Variants in EVC2 observed in about 807,000 individuals in gnomAD.
EVC2 encodes the protein limbin.
EVC2 carries 148 observed loss-of-function variants against 149.3 expected under a neutral mutation model. The observed-to-expected ratio is 0.99, with a 90% CI of 0.87 to 1.14. EVC2 has a LOEUF of 1.14. EVC2 is among the 50% of genes most tolerant of loss of function. The pLI is 0.00. For missense variants in EVC2, 1,854 were observed against 1,627.3 expected (o/e 1.14, Z -2.40); for synonymous variants, 776 against 649.9 (o/e 1.19, Z -2.95).
chr4:5,658,970 C>T (rs1207033044), intron 9 of EVC2, among the ~76,000 whole-genome samples: 2 of 152,132 alleles, frequency 1.3e-5, no homozygotes, highest in African/African-American at 4.8e-5. Context: ...AGACTGAGTC[C>T]ACCTCCATTA....
At chr4:5,697,936 AGAGACGG>A (rs1721587880) in intron 1 of EVC2, among the ~76,000 whole-genome samples, 2 of 152,018 alleles carry the variant, frequency 1.3e-5, no homozygotes, top group African/African-American at 4.8e-5. Context: ...TATTTTTAGT[AGAGACGG>A]GGTTTCACCA....
chr4:5,566,517 A>C (rs1345872466), intron 20 of EVC2, among the ~76,000 whole-genome samples: 1 of 152,182 alleles, frequency 6.6e-6, no homozygotes, highest in Non-Finnish European at 1.5e-5. Flanking sequence ...GCTTGGATTA[A>C]TTATTCAGTT....
chr4:5,571,463 A>G lies in EVC2; in HGVS notation c.3361-2823T>C, dbSNP rs551180885. On this transcript the variant is annotated intron_variant, in intron 19 of 21. Transcript: ENST00000344408. The stretch of plus-strand genomic sequence containing the variant: ...TCCCCAATTAAAATATAAAAAAAAA[A>G]TTAAAGAAATGGAACATAAAGCAAC... Among the ~76,000 whole-genome samples, 28 of 152,076 alleles carry G rather than the reference A, an allele frequency of 1.8e-4. No individual in the cohort carries two copies. In the South Asian group the frequency reaches 5.8e-3, roughly 32 times the overall value.
At chr4:5,571,790 T>TG (rs1179171173) in intron 19 of EVC2, among the ~76,000 whole-genome samples, 1 of 152,146 alleles carries the variant, frequency 6.6e-6, no homozygotes, top group African/African-American at 2.4e-5. Flanking sequence ...GTTGTTTCTG[T>TG]GGGGGTGTTT....
rs1032308453 is a variant in EVC2, at chr4:5,688,815, G to A, written c.706+342C>T. On this transcript the variant is annotated intron_variant, in intron 5 of 21. Transcript: ENST00000344408. ...GTGATGGTTAATTTTGGTGATCTGA[G>A]TGACAGGTATACTGGGGTCCACTGT... Among the ~76,000 whole-genome samples, 120 of 152,186 alleles carry A rather than the reference G, an allele frequency of 7.9e-4. 1 individual carries two copies. The highest frequency in any genetic ancestry group is 2.7e-3 in the African/African-American group (113 of 41,444).
At chr4:5,707,725 T>A (rs1419278917) in intron 1 of EVC2, among the ~76,000 whole-genome samples, 1 of 151,830 alleles carries the variant, frequency 6.6e-6, no homozygotes, top group Non-Finnish European at 1.5e-5. Context: ...GGAGGTCAAG[T>A]CTAGGGCTAC....
At chr4:5,648,426 G>A (rs1212604599) in intron 9 of EVC2, among the ~76,000 whole-genome samples, 1 of 152,156 alleles carries the variant, frequency 6.6e-6, no homozygotes, top group Non-Finnish European at 1.5e-5. Context: ...ATGGCTGCTT[G>A]TGTTGGGAAA....
chr4:5,679,944 AT>A lies in EVC2; in HGVS notation c.870+1315del, dbSNP rs1307035288. Among the ~76,000 whole-genome samples, 1 of 152,160 alleles carries A rather than the reference AT, an allele frequency of 6.6e-6. No homozygotes were observed. On this transcript the variant is annotated intron_variant, in intron 7 of 21. Coordinates refer to ENST00000344408, the MANE Select transcript of EVC2 (RefSeq NM_147127.5). This position sits in a 1 kb window ranked among gnomAD's most constrained non-coding sequence, Gnocchi z 5.1. ...TATCCTTACTCTGTAAGCTTTCTAT[AT>A]TTTTAAGGTATTTTTTTAAAACACT...
chr4:5,583,283 G>A (rs1711965769), intron 17 of EVC2, among the ~76,000 whole-genome samples: 1 of 152,160 alleles, frequency 6.6e-6, no homozygotes, highest in African/African-American at 2.4e-5. Context: ...GTACATCTAT[G>A]TTCACATGCA....
downstream of EVC2, among the ~76,000 whole-genome samples, chr4:5,539,002 T>C (rs1721466479): frequency 6.6e-6 from 1 of 152,064 alleles, no homozygotes; most frequent in Non-Finnish European, 1.5e-5. Context: ...AAAGGAAAAT[T>C]TAAAACTGTC....
chr4:5,625,620 A>G lies in EVC2; in HGVS notation c.2046+129T>C, dbSNP rs959191025. 4.8e-6 allele frequency: 6 copies of G among 1,238,144 alleles called. No homozygotes were observed. In the Admixed American group the frequency reaches 8.0e-5, roughly 17 times the overall value. 76.7% of individuals were successfully genotyped at this position (1,238,144 alleles called of 1,614,324 possible). A position where few individuals can be genotyped will look rare whatever the true frequency, so the allele number is the denominator to read the frequency against. ...GCTACCAATCAACAGTAGATGGCAC[A>G]TCATGGTGCCTGCCCAGCTGCCCTT... On this transcript the variant is annotated intron_variant, in intron 13 of 21. Coordinates refer to ENST00000344408, the MANE Select transcript of EVC2 (RefSeq NM_147127.5). This position sits in a 1 kb window ranked among gnomAD's most constrained non-coding sequence, Gnocchi z 4.0.
intron 2 of EVC2, among the ~76,000 whole-genome samples, chr4:5,695,279 C>T (rs1026291734): frequency 1.3e-5 from 2 of 149,098 alleles, no homozygotes; most frequent in African/African-American, 2.5e-5. Flanking sequence ...ACCTGGGAGG[C>T]GGAGGTTGCA....
Position 5,632,019 on chromosome 4 carries a change from C to A in EVC2, c.1484G>T (p.Cys495Phe). The change falls in exon 11 of 22, where the codon TGC (cysteine) becomes TTC (phenylalanine). Residue 495 changes from cysteine (C) to phenylalanine (F), a missense_variant. Cys to Phe is a radical substitution (Grantham distance 205). Transcript: ENST00000344408. ...KRAGERSAVECSNLLRTLHGL... is the reference protein window; with the variant it reads ...KRAGERSAVEFSNLLRTLHGL... ...ATGGAGGGTCCGCAGAAGGTTGCTG[C>A]ACTCTACAGCAGACTGGAGAGAGGA... The A allele has an allele frequency of 3.7e-6, 6 of 1,614,124 alleles. No individual in the cohort carries two copies. Among genetic ancestry groups the A allele is most frequent in the Non-Finnish European group, 5.1e-6 (6 of 1,180,006 alleles).
intron 9 of EVC2, among the ~76,000 whole-genome samples, chr4:5,643,198 G>C (rs1040381355): frequency 2.0e-5 from 3 of 152,172 alleles, no homozygotes; most frequent in African/African-American, 7.2e-5. Flanking sequence ...GCAAGTATCA[G>C]ATCACTCTGA....
At chr4:5,660,133 G>C (rs1718785067) in intron 9 of EVC2, among the ~76,000 whole-genome samples, 1 of 152,168 alleles carries the variant, frequency 6.6e-6, no homozygotes, top group Admixed American at 6.5e-5. Flanking sequence ...ATTCTGATTA[G>C]GGAGTTAAGT....
intron 21 of EVC2, among the ~76,000 whole-genome samples, chr4:5,546,997 A>G (rs983897521): frequency 6.6e-6 from 1 of 151,954 alleles, no homozygotes; most frequent in African/African-American, 2.4e-5. Flanking sequence ...CAGGAGCCCC[A>G]CCCCTGTGGC....
At chr4:5,534,216 G>C in the EVC2 span, among the ~76,000 whole-genome samples, 1 of 152,168 alleles carries the variant, frequency 6.6e-6, no homozygotes, top group African/African-American at 2.4e-5. Context: ...TTAGAGAGTT[G>C]CTGTATGAAG....
chr4:5,531,321 C>G, the EVC2 span, among the ~76,000 whole-genome samples: 4 of 152,124 alleles, frequency 2.6e-5, no homozygotes, highest in South Asian at 8.3e-4. Flanking sequence ...TTCCAGGACC[C>G]CTCGCAGATA....
At chr4:5,629,384 C>A (rs993191028) in intron 11 of EVC2, among the ~76,000 whole-genome samples, 3 of 152,176 alleles carry the variant, frequency 2.0e-5, no homozygotes, top group Non-Finnish European at 2.9e-5. Flanking sequence ...AGACAAATGG[C>A]TGAGCAGGGA....
Sources: gnomAD v4.1 joint callset for allele counts (sites outside exome capture counted in the v4.1 genomes callset) on GRCh38, gnomAD v4.1.1 for gene constraint, Gnocchi (gnomAD v3.1) non-coding constraint, MANE v1.5 for transcripts, NCBI Gene and HGNC (gene_info 2026-07-23, HGNC 2026-07-21) for gene names.